The following OTUD7A variants were observed in gnomAD, a reference collection of about 807,000 sequenced individuals.
OTUD7A encodes OTU deubiquitinase 7A, also known as OTU domain-containing protein 7A.
A neutral mutation model predicts 65.7 loss-of-function variants in OTUD7A; 12 were observed. The ratio of observed to expected loss-of-function variants is 0.18; its 90% confidence interval spans 0.12 to 0.30. OTUD7A has a LOEUF of 0.30. Ranked by LOEUF, OTUD7A falls within the 10% of genes least tolerant of loss-of-function variation. The pLI is 1.00. For synonymous variants in OTUD7A, 641 were observed against 586.3 expected (o/e 1.09, Z -1.35); for missense variants, 1,148 against 1,304.8 (o/e 0.88, Z 1.85).
At chr15:31,627,744 C>T (rs1891006929) in intron 3 of OTUD7A, among the ~76,000 whole-genome samples, 1 of 152,208 alleles carries the variant, frequency 6.6e-6, no homozygotes, top group Non-Finnish European at 1.5e-5. Context: ...ACATCCTCTC[C>T]AGCACCTGTT....
chr15:31,741,785 C>T (rs1402742120), intron 1 of OTUD7A, among the ~76,000 whole-genome samples: 1 of 151,356 alleles, frequency 6.6e-6, no homozygotes, highest in Non-Finnish European at 1.5e-5. Context: ...GGAAAAATAG[C>T]AAAATAAACA....
intron 1 of OTUD7A, among the ~76,000 whole-genome samples, chr15:31,858,862 A>G (rs1272517273): frequency 1.3e-5 from 2 of 152,076 alleles, no homozygotes; most frequent in Admixed American, 6.6e-5. Context: ...ACCAACTATC[A>G]CCAGGTGAGG....
Position 31,484,041 on chromosome 15 carries a change from A to G in OTUD7A, c.2055T>C (p.Thr685=), listed in dbSNP as rs775850886. The change falls in exon 13 of 13, where the codon ACT becomes ACC. Residue 685 remains threonine (T), a synonymous_variant. Transcript: ENST00000307050. This position sits in a 1 kb window ranked among gnomAD's most constrained non-coding sequence, Gnocchi z 4.5. ...EQEQRRRDAA[T]AAAAAAAAAA... ...CGGCGGCGGCGGCAGCGGCGGCCGCAGTAGCGGCGTCGCGGCGCCGCTGCT... is the reference window on the plus strand; with the variant it reads ...CGGCGGCGGCGGCAGCGGCGGCCGCGGTAGCGGCGTCGCGGCGCCGCTGCT... 65 of 1,311,488 alleles carry G rather than the reference A, an allele frequency of 5.0e-5. No individual in the cohort carries two copies. The highest frequency in any genetic ancestry group is 5.9e-5 in the Non-Finnish European group (61 of 1,033,760). The allele number at this position is 1,311,488 out of a possible 1,614,324, so 81.2% of individuals were successfully genotyped here.
chr15:31,656,940 A>G (rs1209353661), intron 2 of OTUD7A, 43 bp downstream of exon 2: 1 of 152,696 alleles, frequency 6.5e-6, no homozygotes, highest in East Asian at 1.9e-4. Context: ...TATTGGGTAC[A>G]ATTTTTAGTT....
At chr15:31,817,137 G>A (rs897030852) in intron 1 of OTUD7A, among the ~76,000 whole-genome samples, 2 of 151,946 alleles carry the variant, frequency 1.3e-5, no homozygotes, top group African/African-American at 2.4e-5. Flanking sequence ...GTTTCCCTGG[G>A]TCCTCTGCTT....
chr15:31,512,432 T>C (rs1389341113), intron 8 of OTUD7A, among the ~76,000 whole-genome samples: 5 of 152,234 alleles, frequency 3.3e-5, no homozygotes, highest in Non-Finnish European at 5.9e-5. Flanking sequence ...GCAATATTAC[T>C]TGAATATAAA....
chr15:31,499,232 A>G (rs1343714120), intron 10 of OTUD7A, among the ~76,000 whole-genome samples: 1 of 152,210 alleles, frequency 6.6e-6, no homozygotes, highest in African/African-American at 2.4e-5. Context: ...CGCAGGCACA[A>G]GGATGCGGTG....
chr15:31,725,953 T>G (rs949301189), intron 1 of OTUD7A, among the ~76,000 whole-genome samples: 1 of 152,282 alleles, frequency 6.6e-6, no homozygotes, highest in African/African-American at 2.4e-5. Context: ...CTTAAACTAA[T>G]TGAAAGTACC....
intron 3 of OTUD7A, among the ~76,000 whole-genome samples, chr15:31,578,554 TC>T (rs1236858080): frequency 7.6e-6 from 1 of 131,410 alleles, no homozygotes; most frequent in Admixed American, 7.2e-5. Flanking sequence ...CAAACCAATG[TC>T]CTTTTTTTTT....
intron 1 of OTUD7A, among the ~76,000 whole-genome samples, chr15:31,848,343 T>G (rs1335773767): frequency 6.6e-6 from 1 of 152,006 alleles, no homozygotes; most frequent in African/African-American, 2.4e-5. Context: ...GGGATTGAGA[T>G]GAGGGGGACG....
At chr15:31,723,446 G>A (rs1020475609) in intron 1 of OTUD7A, among the ~76,000 whole-genome samples, 4 of 132,464 alleles carry the variant, frequency 3.0e-5, no homozygotes, top group African/African-American at 8.8e-5. Flanking sequence ...ACTTCATCTC[G>A]GAGGCCAGCC....
chr15:31,576,314 C>A, intron 3 of OTUD7A, among the ~76,000 whole-genome samples: 1 of 152,298 alleles, frequency 6.6e-6, no homozygotes, highest in Middle Eastern at 3.4e-3. Context: ...TCACCTGAGA[C>A]AAATGCATAT....
At chr15:31,578,556 C>CT (rs33982900) in intron 3 of OTUD7A, among the ~76,000 whole-genome samples, 35,203 of 146,334 alleles carry the variant, frequency 0.24, 4,438 homozygotes, top group African/African-American at 0.32. Context: ...AACCAATGTC[C>CT]TTTTTTTTTT....
Position 31,487,821 on chromosome 15 carries a change from C to T in OTUD7A, c.1172-255G>A. ...CTTTGGGTCTGTCCAATGGCAGATA[C>T]TCCATTGGGCAGCAGAATGGGAAAA... is the stretch of plus-strand genomic sequence containing the variant. On this transcript the variant is annotated intron_variant, in intron 10 of 12. Transcript: ENST00000307050. The surrounding 1 kb of genome is among the most constrained non-coding windows in gnomAD (Gnocchi z 6.0). Among the ~76,000 whole-genome samples the T allele has an allele frequency of 6.6e-6, 1 of 152,204 alleles. No homozygotes were observed. The highest frequency in any genetic ancestry group is 1.9e-4 in the East Asian group (1 of 5,204).
intron 8 of OTUD7A, among the ~76,000 whole-genome samples, chr15:31,506,519 G>A (rs923614179): frequency 6.6e-6 from 1 of 151,868 alleles, no homozygotes; most frequent in South Asian, 2.1e-4. Context: ...TTTGGCCTGC[G>A]GTGTTTTGTT....
rs138739901 is a variant in OTUD7A at position 31,523,069 on chromosome 15, G to A, written c.893+3280C>T. Among the ~76,000 whole-genome samples, 1,511 of 152,314 alleles carry A rather than the reference G, an allele frequency of 9.9e-3. 28 individuals are homozygous for A. Among genetic ancestry groups the A allele is most frequent in the African/African-American group, 0.034 (1,414 of 41,574 alleles). On this transcript the variant is annotated intron_variant, in intron 8 of 12. Transcript: ENST00000307050. ...CTTAGTTCTTCTCGCCATCATGCCTGCAAACTCTCCCTTGACTTGCTCTTT... is the reference window on the plus strand; with the variant it reads ...CTTAGTTCTTCTCGCCATCATGCCTACAAACTCTCCCTTGACTTGCTCTTT...
chr15:31,687,261 C>A (rs1293565542), intron 1 of OTUD7A, among the ~76,000 whole-genome samples: 1 of 152,234 alleles, frequency 6.6e-6, no homozygotes. Context: ...TGGGGGAGTG[C>A]ACATCGGGAC....
At chr15:31,815,146 T>A (rs921252505) in intron 1 of OTUD7A, among the ~76,000 whole-genome samples, 1 of 152,264 alleles carries the variant, frequency 6.6e-6, no homozygotes, top group Admixed American at 6.5e-5. Flanking sequence ...TAGGGTGCTG[T>A]ATCTAAATCT....
At chr15:31,626,057 G>C (rs1164642844) in intron 3 of OTUD7A, among the ~76,000 whole-genome samples, 2 of 152,158 alleles carry the variant, frequency 1.3e-5, no homozygotes, top group Non-Finnish European at 2.9e-5. Context: ...AAGAAAAGAA[G>C]TGAGGAAACT....
Sources: allele counts gnomAD v4.1 joint callset (sites outside exome capture counted in the v4.1 genomes callset), GRCh38; gene constraint gnomAD v4.1.1; non-coding constraint Gnocchi (gnomAD v3.1); transcripts MANE v1.5; gene names NCBI Gene and HGNC (gene_info 2026-07-23, HGNC 2026-07-21).